FGF12: variants seen among roughly 807,000 people sequenced by gnomAD.
FGF12 encodes fibroblast growth factor 12B.
Under a neutral mutation model 23.6 loss-of-function variants are expected in FGF12, and 14 were observed. That is an observed-to-expected ratio of 0.59 (90% CI 0.39 to 0.93). The LOEUF is 0.93. Among genes scored for constraint, FGF12 ranks in the 40% least tolerant of loss-of-function variants. The pLI, the probability that FGF12 is intolerant of heterozygous loss-of-function variation, is 0.00. For synonymous variants in FGF12, 62 were observed against 77.3 expected (o/e 0.80, Z 1.04); for missense variants, 175 against 217.8 (o/e 0.80, Z 1.24).
At chr3:192,571,626 A>G (rs1297606927) in intron 2 of FGF12, among the ~76,000 whole-genome samples, 10 of 152,194 alleles carry the variant, frequency 6.6e-5, no homozygotes, top group Non-Finnish European at 1.5e-4. Flanking sequence ...TAAATCTGTC[A>G]GACTGTGCTT....
chr3:192,671,270 A>G lies in FGF12; in HGVS notation c.13+55911T>C, dbSNP rs1378501759. 2.6e-5 allele frequency among the ~76,000 whole-genome samples: 4 copies of G among 152,354 alleles called. No individual in the cohort carries two copies. The East Asian group carries it at 7.7e-4, about 29-fold the overall frequency. On this transcript the variant is annotated intron_variant, in intron 2 of 5. Coordinates refer to ENST00000445105, the MANE Select transcript of FGF12 (RefSeq NM_004113.6). ...ATTGTTTTTGTGCTTTAGAAAAAACATCTCTAGTAGTACAGTAAAATAATG... is the reference window on the plus strand; with the variant it reads ...ATTGTTTTTGTGCTTTAGAAAAAACGTCTCTAGTAGTACAGTAAAATAATG...
intron 2 of FGF12, among the ~76,000 whole-genome samples, chr3:192,619,248 C>A (rs1295899522): frequency 6.6e-6 from 1 of 151,960 alleles, no homozygotes; most frequent in Non-Finnish European, 1.5e-5. Flanking sequence ...GGGTGGGAAT[C>A]TGAAAGAGAT....
intron 2 of FGF12, among the ~76,000 whole-genome samples, chr3:192,482,590 C>T (rs1185934334): frequency 2.0e-5 from 3 of 152,120 alleles, no homozygotes; most frequent in South Asian, 2.1e-4. Flanking sequence ...GCCAAGATCG[C>T]ATCAGTGCAC....
At chr3:192,440,459 A>G (rs571966506) in intron 2 of FGF12, among the ~76,000 whole-genome samples, 2 of 152,266 alleles carry the variant, frequency 1.3e-5, no homozygotes, top group East Asian at 3.9e-4. Context: ...GAGAGCAACA[A>G]TGTGTCAACG....
chr3:192,691,141 C>A (rs376031816), intron 2 of FGF12, among the ~76,000 whole-genome samples: 4 of 152,126 alleles, frequency 2.6e-5, no homozygotes, highest in South Asian at 4.1e-4. Context: ...GACAAAATAT[C>A]AATCATAAAC....
At chr3:192,463,338 T>A (rs1328327702) in intron 2 of FGF12, among the ~76,000 whole-genome samples, 1 of 152,050 alleles carries the variant, frequency 6.6e-6, no homozygotes, top group African/African-American at 2.4e-5. Flanking sequence ...GAGAATCTCT[T>A]GAACCTGGGA....
intron 4 of FGF12, among the ~76,000 whole-genome samples, chr3:192,271,305 A>G (rs1305153652): frequency 6.6e-6 from 1 of 152,108 alleles, no homozygotes; most frequent in East Asian, 1.9e-4. Context: ...ATTCTGTGTT[A>G]TTCGCCCATT....
Position 192,279,663 on chromosome 3 carries a change from C to T in FGF12, c.228+55698G>A, listed in dbSNP as rs76635207. 1.2e-3 allele frequency among the ~76,000 whole-genome samples: 179 copies of T among 152,136 alleles called. 3 individuals are homozygous for T. In the East Asian group the frequency reaches 0.028, roughly 23 times the overall value. The stretch of plus-strand genomic sequence containing the variant: ...CACCAGAAATCCTGAATGAGATTTC[C>T]CCTAGATCAATTTGTGAGGACTCAG... On this transcript the variant is annotated intron_variant, in intron 4 of 5. Transcript: ENST00000445105.
chr3:192,258,423 A>T (rs1019335054), intron 4 of FGF12, among the ~76,000 whole-genome samples: 3 of 152,182 alleles, frequency 2.0e-5, no homozygotes, highest in Non-Finnish European at 2.9e-5. Context: ...ACACTACTGC[A>T]TTCCAGCTGG....
intron 4 of FGF12, among the ~76,000 whole-genome samples, chr3:192,286,800 A>T (rs1714472596): frequency 6.6e-6 from 1 of 152,028 alleles, no homozygotes. Flanking sequence ...CAACAGTTCC[A>T]TGATAGCAGA....
intron 2 of FGF12, among the ~76,000 whole-genome samples, chr3:192,620,240 ACG>A (rs68096515): frequency 6.2e-4 from 43 of 69,286 alleles, no homozygotes; most frequent in African/African-American, 5.1e-3. Context: ...TTACACACAC[ACG>A]CGCGCGCGCG....
At chr3:192,498,274 G>A (rs535863257) in intron 2 of FGF12, among the ~76,000 whole-genome samples, 3 of 152,270 alleles carry the variant, frequency 2.0e-5, no homozygotes, top group East Asian at 1.9e-4. Context: ...TGGGGCAGGC[G>A]TTGACTTATC....
At chr3:192,210,573 A>G (rs976027773) in intron 4 of FGF12, among the ~76,000 whole-genome samples, 1 of 152,244 alleles carries the variant, frequency 6.6e-6, no homozygotes, top group Non-Finnish European at 1.5e-5. Context: ...ATAGAAAGTT[A>G]CACAGTAACC....
At chr3:192,415,718 CT>C (rs1167292435) in intron 2 of FGF12, among the ~76,000 whole-genome samples, 87 of 119,574 alleles carry the variant, frequency 7.3e-4, no homozygotes, top group African/African-American at 2.7e-3. Context: ...TGATACTTCT[CT>C]TCTCTCTCTC....
chr3:192,287,021 T>C (rs1464708773), intron 4 of FGF12, among the ~76,000 whole-genome samples: 3 of 152,026 alleles, frequency 2.0e-5, no homozygotes, highest in Non-Finnish European at 4.4e-5. Flanking sequence ...TGATCAAACA[T>C]AAATGGAATT....
chr3:192,390,989 G>A (rs1010339567), intron 2 of FGF12, among the ~76,000 whole-genome samples: 6 of 152,182 alleles, frequency 3.9e-5, no homozygotes, highest in African/African-American at 1.4e-4. Flanking sequence ...TATCTAGCAC[G>A]TAGTTGAAAA....
In FGF12 at chr3:192,214,700, C is replaced by T. The variant is rs145833616; in HGVS notation, c.229-44044G>A. 2.2e-3 allele frequency among the ~76,000 whole-genome samples: 333 copies of T among 152,278 alleles called. 2 individuals are homozygous for T. Among genetic ancestry groups the T allele is most frequent in the African/African-American group, 5.5e-3 (230 of 41,564 alleles). On this transcript the variant is annotated intron_variant, in intron 4 of 5. Transcript: ENST00000445105. ...GACATGTTAAAAGTTGTTAAAAATG[C>T]CAACTCATAAGCATTGTTAGTCCAA... is the stretch of plus-strand genomic sequence containing the variant.
chr3:192,191,030 T>G (rs1716764557), intron 4 of FGF12, among the ~76,000 whole-genome samples: 1 of 152,180 alleles, frequency 6.6e-6, no homozygotes, highest in South Asian at 2.1e-4. Flanking sequence ...ATAATAGATC[T>G]TGTATAATTA....
At chr3:192,224,906 C>T (rs1000575996) in intron 4 of FGF12, among the ~76,000 whole-genome samples, 1 of 152,062 alleles carries the variant, frequency 6.6e-6, no homozygotes, top group Non-Finnish European at 1.5e-5. Flanking sequence ...AATGAATCAG[C>T]TGAACTACTT....
Sources: gnomAD v4.1 joint callset for allele counts (sites outside exome capture counted in the v4.1 genomes callset) on GRCh38, gnomAD v4.1.1 for gene constraint, MANE v1.5 for transcripts, NCBI Gene and HGNC (gene_info 2026-07-23, HGNC 2026-07-21) for gene names.